DLGAP4: variants seen among roughly 807,000 people sequenced by gnomAD.
The protein encoded by DLGAP4 is DLG associated protein 4.
A neutral mutation model predicts 86.9 loss-of-function variants in DLGAP4; 18 were observed. That is an observed-to-expected ratio of 0.21 (90% CI 0.14 to 0.31). The LOEUF (loss-of-function observed/expected upper bound fraction) is 0.31, where lower values mean the gene tolerates loss of function less well. DLGAP4 is among the 10% of genes least tolerant of loss of function. The pLI is 1.00. For missense variants in DLGAP4, 1,085 were observed against 1,362.6 expected (o/e 0.80, Z 3.21); for synonymous variants, 548 against 574.3 (o/e 0.95, Z 0.65).
chr20:36,394,956 G>A (rs749982203), intron 2 of DLGAP4, among the ~76,000 whole-genome samples: 27 of 152,112 alleles, frequency 1.8e-4, no homozygotes, highest in Non-Finnish European at 3.7e-4. Flanking sequence ...GGGATTCAGA[G>A]GCTCTGCTGT....
intron 7 of DLGAP4, among the ~76,000 whole-genome samples, chr20:36,449,099 G>A (rs920285754): frequency 6.6e-6 from 1 of 152,188 alleles, no homozygotes. Flanking sequence ...GGTGTCGTCT[G>A]GCATCGGGAC....
intron 7 of DLGAP4, among the ~76,000 whole-genome samples, chr20:36,472,783 A>C (rs1569511666): frequency 6.6e-6 from 1 of 152,242 alleles, no homozygotes; most frequent in Non-Finnish European, 1.5e-5. Context: ...CTTCAGACCC[A>C]GCCCAGGCTG....
intron 7 of DLGAP4, among the ~76,000 whole-genome samples, chr20:36,483,610 A>T (rs2035284587): frequency 6.6e-6 from 1 of 152,196 alleles, no homozygotes; most frequent in Admixed American, 6.5e-5. Flanking sequence ...GAGTCCAAAG[A>T]GCCTTCCTCA....
intron 7 of DLGAP4, among the ~76,000 whole-genome samples, chr20:36,468,116 T>A (rs1441503418): frequency 6.6e-6 from 1 of 152,230 alleles, no homozygotes; most frequent in African/African-American, 2.4e-5. Flanking sequence ...CAGTTTAGAA[T>A]TCCTTAAAGG....
chr20:36,457,418 T>C (rs2033906207), intron 7 of DLGAP4, among the ~76,000 whole-genome samples: 2 of 130,678 alleles, frequency 1.5e-5, no homozygotes, highest in Admixed American at 8.3e-5. Flanking sequence ...AGACAAAGTC[T>C]CACTCTTGTC....
intron 1 of DLGAP4, among the ~76,000 whole-genome samples, chr20:36,333,394 G>A (rs781805935): frequency 1.6e-4 from 24 of 151,880 alleles, no homozygotes; most frequent in Non-Finnish European, 2.6e-4. Context: ...CTCTACCTTT[G>A]CCCACGCTTC....
chr20:36,341,677 C>T (rs1455572647), intron 1 of DLGAP4, among the ~76,000 whole-genome samples: 3 of 152,258 alleles, frequency 2.0e-5, no homozygotes, highest in African/African-American at 7.2e-5. Context: ...GGGTGGCCCA[C>T]TGGGCTGCCA....
At chr20:36,476,705 G>GTTTTT (rs35699904) in intron 7 of DLGAP4, among the ~76,000 whole-genome samples, 17 of 85,342 alleles carry the variant, frequency 2.0e-4, no homozygotes, top group East Asian at 3.1e-4. Context: ...TTTTTTTTTG[G>GTTTTT]TTTTTTTTTT....
chr20:36,344,344 A>T (rs1600417205), intron 1 of DLGAP4, among the ~76,000 whole-genome samples: 1 of 152,332 alleles, frequency 6.6e-6, no homozygotes, highest in East Asian at 1.9e-4. Context: ...TTGGAAGACC[A>T]GGCACACAGC....
At chr20:36,309,831 G>C (rs899239710) in intron 1 of DLGAP4, among the ~76,000 whole-genome samples, 4 of 152,224 alleles carry the variant, frequency 2.6e-5, no homozygotes, top group Non-Finnish European at 5.9e-5. Context: ...TCAGTGTCCA[G>C]CCCTGTGCCA....
intron 2 of DLGAP4, among the ~76,000 whole-genome samples, chr20:36,421,130 G>A (rs946808990): frequency 6.6e-6 from 1 of 151,656 alleles, no homozygotes; most frequent in Non-Finnish European, 1.5e-5. Flanking sequence ...AAAAAACACA[G>A]CAAGACCCTA....
In DLGAP4 at chr20:36,467,061, T is replaced by TCC. The variant is rs2034437154; in HGVS notation, c.1648+20125_1648+20126insCC. ...CTCTCTCTCTCTCTCTCTCTCTCTC[T>TCC]CTCCCCCCCCCTTCTCTCGGCCCTG... On this transcript the variant is annotated intron_variant, in intron 7 of 12. Transcript: ENST00000339266. 8.0e-5 allele frequency among the ~76,000 whole-genome samples: 4 copies of TCC among 50,226 alleles called. No individual in the cohort carries two copies. The South Asian group carries it at 1.8e-3, about 22-fold the overall frequency. The allele number at this position is 50,226 out of a possible 152,430, so 33.0% of individuals were successfully genotyped here. A position where few individuals can be genotyped will look rare whatever the true frequency, so the allele number is the denominator to read the frequency against.
intron 1 of DLGAP4, among the ~76,000 whole-genome samples, chr20:36,341,358 T>C (rs1206654303): frequency 6.6e-6 from 1 of 152,198 alleles, no homozygotes; most frequent in Non-Finnish European, 1.5e-5. Context: ...CAGTTTTGTC[T>C]CACCCCCTTG....
Position 36,461,350 on chromosome 20 carries a change from G to C in DLGAP4, c.1648+14413G>C, listed in dbSNP as rs1393440032. On this transcript the variant is annotated intron_variant, in intron 7 of 12. Coordinates refer to ENST00000339266, the MANE Select transcript of DLGAP4 (RefSeq NM_001365621.2). ...CGCGCGCCGGGCCACATGCCAAGCG[G>C]GCTGCGCGCGCCCCTGCCCGGCCCG... The C allele has an allele frequency of 1.4e-5, 9 of 647,860 alleles. No homozygotes were observed. The African/African-American group carries it at 1.8e-4, about 13-fold the overall frequency. The allele number at this position is 647,860 out of a possible 1,614,324, so 40.1% of individuals were successfully genotyped here.
chr20:36,494,535 A>G (rs1419074328), intron 7 of DLGAP4, among the ~76,000 whole-genome samples: 1 of 152,232 alleles, frequency 6.6e-6, no homozygotes, highest in Non-Finnish European at 1.5e-5. Flanking sequence ...TTGCAAAACT[A>G]ATACATTCTC....
chr20:36,432,823 C>T lies in DLGAP4; in HGVS notation c.999+107C>T. 1 of 1,406,750 alleles carries T rather than the reference C, an allele frequency of 7.1e-7. No individual in the cohort carries two copies. Among genetic ancestry groups the T allele is most frequent in the Non-Finnish European group, 9.6e-7 (1 of 1,036,334 alleles). The allele number at this position is 1,406,750 out of a possible 1,614,324, so 87.1% of individuals were successfully genotyped here. ...ACTTGGAAAGTCACTTCATTCTGGG[C>T]CTCTGTGGCTCAGCTATAAAATGGG... On this transcript the variant is annotated intron_variant, in intron 3 of 12. Transcript: ENST00000339266. This position sits in a 1 kb window ranked among gnomAD's most constrained non-coding sequence, Gnocchi z 6.5.
intron 2 of DLGAP4, among the ~76,000 whole-genome samples, chr20:36,400,603 G>A (rs959028734): frequency 3.3e-5 from 5 of 151,594 alleles, no homozygotes; most frequent in African/African-American, 7.3e-5. Context: ...GTCTGAGGGG[G>A]TTGGATGGGG....
chr20:36,422,516 C>T (rs2032858079), intron 2 of DLGAP4, among the ~76,000 whole-genome samples: 1 of 152,178 alleles, frequency 6.6e-6, no homozygotes, highest in African/African-American at 2.4e-5. Context: ...TTGATTGCCA[C>T]ACCAAGCAGT....
chr20:36,390,569 TG>T (rs1053999980), intron 2 of DLGAP4, among the ~76,000 whole-genome samples: 1 of 151,982 alleles, frequency 6.6e-6, no homozygotes, highest in Non-Finnish European at 1.5e-5. Context: ...CAATCCTGAG[TG>T]GGGGGGCATG....
Sources: allele counts gnomAD v4.1 joint callset (sites outside exome capture counted in the v4.1 genomes callset), GRCh38; gene constraint gnomAD v4.1.1; non-coding constraint Gnocchi (gnomAD v3.1); transcripts MANE v1.5; gene names NCBI Gene and HGNC (gene_info 2026-07-23, HGNC 2026-07-21).